Variants in DPYSL2 observed in about 807,000 individuals in gnomAD.
The protein encoded by DPYSL2 is dihydropyrimidinase like 2.
Under a neutral mutation model 69.9 loss-of-function variants are expected in DPYSL2, and 13 were observed. The ratio of observed to expected loss-of-function variants is 0.19; its 90% confidence interval spans 0.12 to 0.30. The LOEUF (loss-of-function observed/expected upper bound fraction) is 0.30. Among genes scored for constraint, DPYSL2 ranks in the 10% least tolerant of loss-of-function variants. DPYSL2 has a pLI of 1.00. For synonymous variants in DPYSL2, 326 were observed against 359.1 expected (o/e 0.91, Z 1.04); for missense variants, 587 against 918.9 (o/e 0.64, Z 4.67).
chr8:26,579,728 C>G (rs1021598667), intron 1 of DPYSL2, among the ~76,000 whole-genome samples: 1 of 152,100 alleles, frequency 6.6e-6, no homozygotes, highest in African/African-American at 2.4e-5. Context: ...ACCCAAGATC[C>G]CAAAGGGCCG....
At chr8:26,563,577 G>T (rs982791370) in intron 1 of DPYSL2, among the ~76,000 whole-genome samples, 1 of 152,146 alleles carries the variant, frequency 6.6e-6, no homozygotes, top group Non-Finnish European at 1.5e-5. Flanking sequence ...TTGCTCTTGG[G>T]ACTAAATCTC....
At position 26,580,828 on chromosome 8, in the gene DPYSL2, CTG is replaced by C. The variant is rs569890500; in HGVS notation, c.355-1139_355-1138del. On this transcript the variant is annotated intron_variant, in intron 1 of 13. Coordinates refer to ENST00000521913, the MANE Select transcript of DPYSL2 (RefSeq NM_001197293.3). The surrounding 1 kb of genome is among the most constrained non-coding windows in gnomAD (Gnocchi z 4.1). Reference sequence around the variant, plus strand: ...TCAGCTTGCCAGGTTTAAGCCCATTCTGTATAATACAGGTGCATATTTACTGA... The same window carrying C: ...TCAGCTTGCCAGGTTTAAGCCCATTCTATAATACAGGTGCATATTTACTGA... 2.1e-4 allele frequency among the ~76,000 whole-genome samples: 32 copies of C among 152,338 alleles called. No homozygotes were observed. Among genetic ancestry groups the C allele is most frequent in the African/African-American group, 7.5e-4 (31 of 41,580 alleles).
intron 1 of DPYSL2, among the ~76,000 whole-genome samples, chr8:26,572,472 C>T: frequency 6.6e-6 from 1 of 152,162 alleles, no homozygotes; most frequent in Non-Finnish European, 1.5e-5. Flanking sequence ...CCTTGTCAGG[C>T]CCTCTGTAAG....
chr8:26,563,761 A>G (rs1384030159), intron 1 of DPYSL2, among the ~76,000 whole-genome samples: 1 of 152,192 alleles, frequency 6.6e-6, no homozygotes, highest in Non-Finnish European at 1.5e-5. Flanking sequence ...GTAGAAGGTA[A>G]CTTCCATGAG....
chr8:26,622,533 T>G (rs1802520608), intron 3 of DPYSL2, among the ~76,000 whole-genome samples: 1 of 151,182 alleles, frequency 6.6e-6, no homozygotes. Context: ...GACAAGGCCT[T>G]GCTCTGTTGC....
chr8:26,555,590 A>G (rs1448159995), intron 1 of DPYSL2, among the ~76,000 whole-genome samples: 2 of 151,166 alleles, frequency 1.3e-5, no homozygotes, highest in Non-Finnish European at 2.9e-5. Flanking sequence ...ACAAAATCAA[A>G]GAAGATCTAA....
chr8:26,612,051 C>T (rs1357686740), intron 3 of DPYSL2, among the ~76,000 whole-genome samples: 1 of 152,234 alleles, frequency 6.6e-6, no homozygotes, highest in Non-Finnish European at 1.5e-5. Context: ...TTGTCAGTAA[C>T]TTCTTTGTAT....
At chr8:26,518,563 C>T (rs1339539588) in intron 1 of DPYSL2, among the ~76,000 whole-genome samples, 2 of 152,132 alleles carry the variant, frequency 1.3e-5, no homozygotes, top group African/African-American at 4.8e-5. Flanking sequence ...TTTTTCATCC[C>T]CCAAAGCTGA....
chr8:26,594,588 G>C (rs979012974), intron 3 of DPYSL2, among the ~76,000 whole-genome samples: 1 of 151,898 alleles, frequency 6.6e-6, no homozygotes, highest in South Asian at 2.1e-4. Flanking sequence ...TTAATCCATC[G>C]TCTCTATATC....
chr8:26,517,660 CACCAGCAATACTGG>C lies in DPYSL2; in HGVS notation c.354+2986_354+2999del, dbSNP rs1279746179. On this transcript the variant is annotated intron_variant, in intron 1 of 13. Transcript: ENST00000521913. This position sits in a 1 kb window ranked among gnomAD's most constrained non-coding sequence, Gnocchi z 4.2. The stretch of plus-strand genomic sequence containing the variant: ...ACAGCGTAGCCAGAACCAGTGGCTC[CACCAGCAATACTGG>C]ACCATAAGAATGCTTTTCAAAGGGG... 2.6e-5 allele frequency among the ~76,000 whole-genome samples: 4 copies of C among 152,178 alleles called. No homozygotes were observed. Among genetic ancestry groups the C allele is most frequent in the African/African-American group, 9.7e-5 (4 of 41,444 alleles).
At chr8:26,581,737 T>C (rs1354687258) in intron 1 of DPYSL2, among the ~76,000 whole-genome samples, 1 of 152,072 alleles carries the variant, frequency 6.6e-6, no homozygotes, top group East Asian at 1.9e-4. Context: ...CAAGGTCTAA[T>C]TGAAAGAGAT....
intron 3 of DPYSL2, among the ~76,000 whole-genome samples, chr8:26,608,806 A>G (rs1563407957): frequency 1.3e-5 from 2 of 152,240 alleles, no homozygotes; most frequent in African/African-American, 2.4e-5. Context: ...AATTCAGTCC[A>G]GGTTCCTAGG....
chr8:26,575,596 G>A (rs1020314380), intron 1 of DPYSL2, among the ~76,000 whole-genome samples: 1 of 152,176 alleles, frequency 6.6e-6, no homozygotes, highest in African/African-American at 2.4e-5. Flanking sequence ...GAGTGGAAAC[G>A]TCAGTTATTA....
At position 26,643,858 on chromosome 8, in the gene DPYSL2, G is replaced by C; in HGVS notation, c.1284-92G>C. On this transcript the variant is annotated intron_variant, in intron 9 of 13. Coordinates refer to ENST00000521913, the MANE Select transcript of DPYSL2 (RefSeq NM_001197293.3). The surrounding 1 kb of genome is among the most constrained non-coding windows in gnomAD (Gnocchi z 6.5). ...TCAAAAGGACTCCACTTGGGTTGGT[G>C]TGATGCCATTCATGAGACAGCCCAC... is the stretch of plus-strand genomic sequence containing the variant. The C allele has an allele frequency of 6.7e-7, 1 of 1,494,330 alleles. No homozygotes were observed. The highest frequency in any genetic ancestry group is 9.0e-7 in the Non-Finnish European group (1 of 1,109,858). 92.6% of individuals were successfully genotyped at this position (1,494,330 alleles called of 1,614,324 possible).
intron 1 of DPYSL2, among the ~76,000 whole-genome samples, chr8:26,523,738 G>A (rs1011050094): frequency 8.6e-5 from 13 of 151,832 alleles, no homozygotes; most frequent in Non-Finnish European, 1.9e-4. Flanking sequence ...ATAGCCCACT[G>A]TAACCTCAAA....
chr8:26,652,144 C>G lies in DPYSL2; in HGVS notation c.1597-113C>G, dbSNP rs779885946. 19 of 1,037,526 alleles carry G rather than the reference C, an allele frequency of 1.8e-5. No homozygotes were observed. The highest frequency in any genetic ancestry group is 2.4e-5 in the Non-Finnish European group (18 of 753,596). 64.3% of individuals were successfully genotyped at this position (1,037,526 alleles called of 1,614,324 possible). On this transcript the variant is annotated intron_variant, in intron 11 of 13. Coordinates refer to ENST00000521913, the MANE Select transcript of DPYSL2 (RefSeq NM_001197293.3). This position sits in a 1 kb window ranked among gnomAD's most constrained non-coding sequence, Gnocchi z 6.3. ...TGGGGTGCCCAGTTGGGACAGGATC[C>G]CTGTCTCTGAGTCTCTCTTTTGTCT... is the stretch of plus-strand genomic sequence containing the variant.
intron 1 of DPYSL2, among the ~76,000 whole-genome samples, chr8:26,522,308 A>AAAAC (rs60448291): frequency 0.071 from 10,778 of 151,278 alleles, 415 homozygotes; most frequent in South Asian, 0.17. Flanking sequence ...ACTCTGTCTC[A>AAAAC]AAACAAACAA....
chr8:26,526,242 G>T (rs1164757566), intron 1 of DPYSL2, among the ~76,000 whole-genome samples: 2 of 152,124 alleles, frequency 1.3e-5, no homozygotes, highest in South Asian at 4.1e-4. Context: ...CTACAGGTAT[G>T]TGCCACCATG....
Position 26,583,849 on chromosome 8 carries a change from C to G in DPYSL2, c.494C>G (p.Ala165Gly). ...CCAGGAGGAGTGAAGACCATCGAGG[C>G]CCACTCCCGGATGGTGATCCCCGGA... The part of the protein sequence containing the change: ...IVPGGVKTIE[A>G]HSRMVIPGGI... The change falls in exon 3 of 14, where the codon GCC becomes GGC. Residue 165 changes from alanine (A) to glycine (G), a missense_variant. Coordinates refer to ENST00000521913, the MANE Select transcript of DPYSL2 (RefSeq NM_001197293.3). 2.5e-6 allele frequency: 4 copies of G among 1,614,006 alleles called. No individual in the cohort carries two copies. Among genetic ancestry groups the G allele is most frequent in the Non-Finnish European group, 2.5e-6 (3 of 1,179,966 alleles).
Sources: allele counts gnomAD v4.1 joint callset (sites outside exome capture counted in the v4.1 genomes callset), GRCh38; gene constraint gnomAD v4.1.1; non-coding constraint Gnocchi (gnomAD v3.1); transcripts MANE v1.5; gene names NCBI Gene and HGNC (gene_info 2026-07-23, HGNC 2026-07-21).